The following EDIL3 variants were observed in gnomAD, a reference collection of about 807,000 sequenced individuals.
The protein encoded by EDIL3 is EGF-like repeat and discoidin I-like domain-containing protein 3.
A neutral mutation model predicts 67.4 loss-of-function variants in EDIL3; 37 were observed. The observed-to-expected ratio is 0.55, with a 90% CI of 0.42 to 0.72. EDIL3 has a LOEUF of 0.72. Among genes scored for constraint, EDIL3 ranks in the 30% least tolerant of loss-of-function variants. The pLI, the probability that EDIL3 is intolerant of heterozygous loss-of-function variation, is 0.00. For missense variants in EDIL3, 527 were observed against 586.3 expected (o/e 0.90, Z 1.04); for synonymous variants, 195 against 196.3 (o/e 0.99, Z 0.05).
At chr5:84,283,560 C>G (rs1745745450) in intron 1 of EDIL3, among the ~76,000 whole-genome samples, 1 of 152,126 alleles carries the variant, frequency 6.6e-6, no homozygotes, top group Non-Finnish European at 1.5e-5. Context: ...GAGTTTGCAA[C>G]AATCATCTCA....
intron 2 of EDIL3, among the ~76,000 whole-genome samples, chr5:84,239,888 C>G (rs572983390): frequency 2.6e-5 from 4 of 152,210 alleles, no homozygotes; most frequent in African/African-American, 9.6e-5. Context: ...CTAATGGAAA[C>G]AATTTCCTTA....
At chr5:84,117,863 A>T (rs2112295591) in intron 5 of EDIL3, among the ~76,000 whole-genome samples, 1 of 152,324 alleles carries the variant, frequency 6.6e-6, no homozygotes, top group East Asian at 1.9e-4. Context: ...TCACAAACAT[A>T]AAATGATGCA....
chr5:84,181,029 A>T (rs980239901), intron 3 of EDIL3: 3 of 152,190 alleles, frequency 2.0e-5, no homozygotes, highest in African/African-American at 7.2e-5. Flanking sequence ...GGCTGTAACC[A>T]CATAAACCAA....
At chr5:84,312,784 C>T (rs1298274457) in intron 1 of EDIL3, among the ~76,000 whole-genome samples, 1 of 152,168 alleles carries the variant, frequency 6.6e-6, no homozygotes, top group Non-Finnish European at 1.5e-5. Context: ...CAATTTTTGT[C>T]AGCTGTACAT....
chr5:84,126,718 A>T (rs1044685357), intron 5 of EDIL3, among the ~76,000 whole-genome samples: 2 of 152,120 alleles, frequency 1.3e-5, no homozygotes, highest in African/African-American at 2.4e-5. Context: ...AAATAAACAG[A>T]TGATTTTTAT....
chr5:84,294,140 T>C (rs1019064359), intron 1 of EDIL3, among the ~76,000 whole-genome samples: 1 of 150,470 alleles, frequency 6.6e-6, no homozygotes, highest in Non-Finnish European at 1.5e-5. Context: ...TCCCAGCACT[T>C]CAGGAGGCCG....
At chr5:83,976,131 C>T (rs1294687354) in intron 9 of EDIL3, among the ~76,000 whole-genome samples, 1 of 151,800 alleles carries the variant, frequency 6.6e-6, no homozygotes, top group East Asian at 1.9e-4. Flanking sequence ...ATTTATACTG[C>T]CAGATTAATA....
At chr5:84,246,959 A>G (rs1744920461) in intron 2 of EDIL3, among the ~76,000 whole-genome samples, 1 of 152,194 alleles carries the variant, frequency 6.6e-6, no homozygotes, top group East Asian at 1.9e-4. Context: ...ATTATCTGTC[A>G]TCTTAACTGC....
At chr5:84,312,138 G>A (rs1402148763) in intron 1 of EDIL3, among the ~76,000 whole-genome samples, 4 of 151,804 alleles carry the variant, frequency 2.6e-5, no homozygotes, top group East Asian at 2.0e-4. Flanking sequence ...AGGGGCGGCC[G>A]GGCAGAGGCG....
intron 3 of EDIL3, among the ~76,000 whole-genome samples, chr5:84,218,323 T>C (rs758395243): frequency 2.0e-5 from 3 of 152,214 alleles, no homozygotes; most frequent in Non-Finnish European, 2.9e-5. Flanking sequence ...AACAATTTTG[T>C]CAGTTTTTAA....
chr5:84,119,016 G>T (rs1039229465), intron 5 of EDIL3, among the ~76,000 whole-genome samples: 2 of 152,002 alleles, frequency 1.3e-5, no homozygotes, highest in African/African-American at 4.8e-5. Flanking sequence ...AGAATACATG[G>T]TTAGCACATA....
intron 1 of EDIL3, among the ~76,000 whole-genome samples, chr5:84,292,582 T>C (rs1336294512): frequency 6.6e-6 from 1 of 152,208 alleles, no homozygotes; most frequent in Non-Finnish European, 1.5e-5. Context: ...TTGTTAATGT[T>C]TGAAAATAAA....
At chr5:84,338,869 C>A (rs1173454721) in intron 1 of EDIL3, among the ~76,000 whole-genome samples, 1 of 152,152 alleles carries the variant, frequency 6.6e-6, no homozygotes, top group African/African-American at 2.4e-5. Context: ...AAGGGCCTTG[C>A]ACTTGGTTTA....
chr5:84,127,346 T>G (rs537895550), intron 5 of EDIL3, among the ~76,000 whole-genome samples: 5 of 152,100 alleles, frequency 3.3e-5, no homozygotes, highest in Non-Finnish European at 7.4e-5. Context: ...TCCATTCCCT[T>G]TGGAGCTCTA....
intron 1 of EDIL3, among the ~76,000 whole-genome samples, chr5:84,300,978 G>T (rs1364101503): frequency 6.6e-6 from 1 of 151,336 alleles, no homozygotes; most frequent in Non-Finnish European, 1.5e-5. Flanking sequence ...TTTAAAAATT[G>T]TACAGAATCA....
intron 7 of EDIL3, among the ~76,000 whole-genome samples, chr5:84,065,541 A>T (rs904474283): frequency 2.3e-5 from 3 of 133,282 alleles, no homozygotes; most frequent in Non-Finnish European, 4.7e-5. Flanking sequence ...AATTTATTAG[A>T]GTCTGGTATA....
At chr5:84,248,458 C>T (rs534815903) in intron 2 of EDIL3, among the ~76,000 whole-genome samples, 100 of 152,224 alleles carry the variant, frequency 6.6e-4, no homozygotes, top group Non-Finnish European at 1.3e-3. Flanking sequence ...GGCCTCTTAC[C>T]GCTTTGTATT....
intron 9 of EDIL3, among the ~76,000 whole-genome samples, chr5:83,979,328 C>T (rs929719878): frequency 2.0e-5 from 3 of 152,028 alleles, no homozygotes; most frequent in Non-Finnish European, 4.4e-5. Flanking sequence ...TCCAAATTGG[C>T]TTAACAACTT....
chr5:84,075,888 ACG>A (rs1021839066), intron 6 of EDIL3, among the ~76,000 whole-genome samples: 7 of 52,660 alleles, frequency 1.3e-4, no homozygotes, highest in South Asian at 7.4e-4. Context: ...AAAAGTGTGC[ACG>A]CACACACACA....
Sources: allele counts gnomAD v4.1 joint callset (sites outside exome capture counted in the v4.1 genomes callset), GRCh38; gene constraint gnomAD v4.1.1; transcripts MANE v1.5; gene names NCBI Gene and HGNC (gene_info 2026-07-23, HGNC 2026-07-21).